STXBP6: variants seen among roughly 807,000 people sequenced by gnomAD.
STXBP6 encodes syntaxin-binding protein 6.
Under a neutral mutation model 26.9 loss-of-function variants are expected in STXBP6, and 21 were observed. The observed-to-expected ratio is 0.78, with a 90% CI of 0.55 to 1.12. STXBP6 has a LOEUF of 1.12. Ranked by LOEUF, STXBP6 falls within the 50% of genes most tolerant of loss-of-function variation. The pLI, the probability that STXBP6 is intolerant of heterozygous loss-of-function variation, is 0.00. For synonymous variants in STXBP6, 97 were observed against 92.6 expected, an observed-to-expected ratio of 1.05 and a Z score of -0.27; for missense variants, 232 against 257.9, an observed-to-expected ratio of 0.90 and a Z score of 0.69.
At chr14:24,973,673 C>T (rs947570472) in intron 2 of STXBP6, among the ~76,000 whole-genome samples, 1 of 152,058 alleles carries the variant, frequency 6.6e-6, no homozygotes, top group Non-Finnish European at 1.5e-5. Context: ...AGGCATGAGC[C>T]ACCGCGCCTG....
intron 2 of STXBP6, among the ~76,000 whole-genome samples, chr14:24,864,393 G>T (rs1459248821): frequency 6.6e-6 from 1 of 152,134 alleles, no homozygotes; most frequent in African/African-American, 2.4e-5. Flanking sequence ...TTACCTAGAA[G>T]AGCGGCTAAA....
At chr14:24,978,305 C>A (rs1055239432) in intron 1 of STXBP6, among the ~76,000 whole-genome samples, 4 of 152,178 alleles carry the variant, frequency 2.6e-5, no homozygotes, top group Non-Finnish European at 5.9e-5. Context: ...AGTCATTCTG[C>A]CACCTAATTT....
intron 2 of STXBP6, among the ~76,000 whole-genome samples, chr14:24,927,748 C>T (rs1174022810): frequency 6.6e-6 from 1 of 152,192 alleles, no homozygotes; most frequent in African/African-American, 2.4e-5. Flanking sequence ...GATATATGTT[C>T]AGATGTTCAG....
intron 2 of STXBP6, among the ~76,000 whole-genome samples, chr14:24,891,468 C>T (rs1040080495): frequency 1.3e-5 from 2 of 152,134 alleles, no homozygotes; most frequent in Non-Finnish European, 2.9e-5. Flanking sequence ...TCATTTCACA[C>T]TAAAACCTCA....
At chr14:25,018,782 A>C (rs1316650486) in intron 1 of STXBP6, among the ~76,000 whole-genome samples, 1 of 152,216 alleles carries the variant, frequency 6.6e-6, no homozygotes, top group African/African-American at 2.4e-5. Flanking sequence ...CCTATGCAAT[A>C]AGTTCTTAGT....
At chr14:24,995,011 CAAAAAAA>C in intron 1 of STXBP6, 2 of 94,076 alleles carry the variant, frequency 2.1e-5, no homozygotes, top group Admixed American at 1.2e-4. Flanking sequence ...GACTCCATGT[CAAAAAAA>C]AAAAAAAAAA....
intron 1 of STXBP6, among the ~76,000 whole-genome samples, chr14:24,999,910 A>C (rs908917402): frequency 1.8e-4 from 28 of 152,206 alleles, no homozygotes; most frequent in Non-Finnish European, 1.9e-4. Context: ...CGTGTCTGTA[A>C]GGACAACACT....
chr14:24,925,554 G>C (rs2072132784), intron 2 of STXBP6, among the ~76,000 whole-genome samples: 1 of 152,198 alleles, frequency 6.6e-6, no homozygotes, highest in South Asian at 2.1e-4. Context: ...CAGTCCAACA[G>C]CTGTCCCGTC....
intron 1 of STXBP6, among the ~76,000 whole-genome samples, chr14:25,004,250 G>C (rs2074837107): frequency 6.6e-6 from 1 of 152,194 alleles, no homozygotes; most frequent in Admixed American, 6.5e-5. Flanking sequence ...GATTTTCTCA[G>C]GCTACACATG....
At chr14:24,975,254 C>G (rs1049391736) in intron 1 of STXBP6, among the ~76,000 whole-genome samples, 18 of 152,172 alleles carry the variant, frequency 1.2e-4, no homozygotes, top group African/African-American at 4.3e-4. Flanking sequence ...TCCTTAGAGT[C>G]AAGAAATTCT....
intron 2 of STXBP6, among the ~76,000 whole-genome samples, chr14:24,882,378 C>CAAAAAAAAAAAAAAAAA (rs57240083): frequency 2.2e-4 from 6 of 26,830 alleles, no homozygotes; most frequent in Non-Finnish European, 2.4e-4. Flanking sequence ...GACTCCGTCT[C>CAAAAAAAAAAAAAAAAA]AAAAAAAAAA....
chr14:24,985,194 T>C lies in STXBP6; in HGVS notation c.-32-10344A>G, dbSNP rs141357031. ...CAGCCTTATTAGGATAGAGCTTGTTTTGATTCTACAAATAAAAATGGGAGT... is the reference window on the plus strand; with the variant it reads ...CAGCCTTATTAGGATAGAGCTTGTTCTGATTCTACAAATAAAAATGGGAGT... On this transcript the variant is annotated intron_variant, in intron 1 of 5. Coordinates refer to ENST00000323944, the MANE Select transcript of STXBP6 (RefSeq NM_001394410.1). Among the ~76,000 whole-genome samples the C allele has an allele frequency of 2.6e-5, 4 of 152,362 alleles. No individual in the cohort carries two copies. In the East Asian group the frequency reaches 7.7e-4, roughly 29 times the overall value.
intron 1 of STXBP6, among the ~76,000 whole-genome samples, chr14:25,028,508 A>G (rs1313582413): frequency 1.4e-5 from 2 of 147,884 alleles, no homozygotes; most frequent in Non-Finnish European, 3.0e-5. Flanking sequence ...GACTGCTCAG[A>G]AAAAAAAAAA....
chr14:25,021,992 T>A (rs2075271122), intron 1 of STXBP6, among the ~76,000 whole-genome samples: 1 of 152,186 alleles, frequency 6.6e-6, no homozygotes, highest in African/African-American at 2.4e-5. Flanking sequence ...ATAAAGCCCA[T>A]GCTCCAACTA....
At chr14:24,984,783 G>A (rs975397143) in intron 1 of STXBP6, among the ~76,000 whole-genome samples, 15 of 152,126 alleles carry the variant, frequency 9.9e-5, no homozygotes, top group Non-Finnish European at 1.8e-4. Flanking sequence ...CTTATACTCC[G>A]GGTGCAGAGA....
At chr14:25,016,189 C>A (rs918176455) in intron 1 of STXBP6, among the ~76,000 whole-genome samples, 15 of 152,100 alleles carry the variant, frequency 9.9e-5, no homozygotes, top group Non-Finnish European at 1.6e-4. Flanking sequence ...TTCCTACTTT[C>A]CCCTTTTATT....
At chr14:24,946,421 G>A (rs1306667554) in intron 2 of STXBP6, among the ~76,000 whole-genome samples, 1 of 152,176 alleles carries the variant, frequency 6.6e-6, no homozygotes, top group African/African-American at 2.4e-5. Flanking sequence ...AAAACCAAAA[G>A]CAAGTGGTGG....
chr14:24,925,057 T>A (rs2072113326), intron 2 of STXBP6, among the ~76,000 whole-genome samples: 1 of 152,210 alleles, frequency 6.6e-6, no homozygotes, highest in African/African-American at 2.4e-5. Flanking sequence ...TTCAATTTGA[T>A]AAACTACTCA....
intron 1 of STXBP6, among the ~76,000 whole-genome samples, chr14:25,002,359 C>CTTTTTTTTTTTTTTT (rs747010332): frequency 9.1e-5 from 11 of 121,356 alleles, no homozygotes; most frequent in African/African-American, 1.3e-4. Flanking sequence ...ATTCTTATGA[C>CTTTTTTTTTTTTTTT]TTTTTTTTTT....
Sources: gnomAD v4.1 joint callset for allele counts (sites outside exome capture counted in the v4.1 genomes callset) on GRCh38, gnomAD v4.1.1 for gene constraint, MANE v1.5 for transcripts, NCBI Gene and HGNC (gene_info 2026-07-23, HGNC 2026-07-21) for gene names.